CCNY: variants seen among roughly 807,000 people sequenced by gnomAD.
CCNY encodes cyclin-Y.
A neutral mutation model predicts 42.8 loss-of-function variants in CCNY; 19 were observed. The ratio of observed to expected loss-of-function variants is 0.44; its 90% CI spans 0.31 to 0.65. CCNY has a LOEUF of 0.65. Among genes scored for constraint, CCNY ranks in the 30% least tolerant of loss-of-function variants. The probability of loss-of-function intolerance (pLI) is 0.07; values close to 1 mark genes in which losing one functional copy is unlikely to be tolerated. For synonymous variants in CCNY, 165 were observed against 162.7 expected, an observed-to-expected ratio of 1.01 and a Z score of -0.11; for missense variants, 370 against 437.3, an observed-to-expected ratio of 0.85 and a Z score of 1.37.
At chr10:35,471,649 A>G (rs1004370038) in intron 1 of CCNY, among the ~76,000 whole-genome samples, 3 of 152,236 alleles carry the variant, frequency 2.0e-5, no homozygotes, top group African/African-American at 7.2e-5. Context: ...CAGCTGACAC[A>G]TGGACTGAAA....
At chr10:35,261,752 G>A (rs1278338092) in intron 3 of CCNY, among the ~76,000 whole-genome samples, 1 of 152,074 alleles carries the variant, frequency 6.6e-6, no homozygotes, top group Admixed American at 6.6e-5. Flanking sequence ...CAGGCACAGT[G>A]GCTCATGCCT....
intron 7 of CCNY, among the ~76,000 whole-genome samples, chr10:35,541,348 G>A (rs1840996612): frequency 6.6e-6 from 1 of 151,944 alleles, no homozygotes; most frequent in Admixed American, 6.6e-5. Context: ...ACATAATTTA[G>A]TATCTTAGTG....
In CCNY at chr10:35,337,348, G is replaced by T. The variant is rs555689471; in HGVS notation, c.154+141G>T. ...CCGGGGCTTCGCCCGCGCAGCCTAG[G>T]CGCCCGGGGCCCCGCAGCCTCTGGG... On this transcript the variant is annotated intron_variant, in intron 1 of 9. Coordinates refer to ENST00000374704, the MANE Select transcript of CCNY (RefSeq NM_145012.6). The T allele has an allele frequency of 3.5e-6, 3 of 860,630 alleles. No individual in the cohort carries two copies. The Admixed American group carries it at 1.2e-4, about 34-fold the overall frequency. The allele number at this position is 860,630 out of a possible 1,614,324, so 53.3% of individuals were successfully genotyped here.
At chr10:35,317,568 A>C (rs534506305) in intron 3 of CCNY, among the ~76,000 whole-genome samples, 65 of 152,316 alleles carry the variant, frequency 4.3e-4, no homozygotes, top group Non-Finnish European at 6.9e-4. Flanking sequence ...CTGACCTTTG[A>C]ATCTGGAAGT....
intron 5 of CCNY, 70 bp from the exon 6 acceptor site, chr10:35,529,903 G>A (rs1460411746): frequency 3.0e-6 from 4 of 1,319,766 alleles, no homozygotes; most frequent in East Asian, 2.3e-5. Flanking sequence ...GAATTAAAAT[G>A]TATTTTTGTT....
intron 9 of CCNY, 182 bp downstream of exon 9, chr10:35,566,367 C>T (rs1047135657): frequency 1.8e-5 from 12 of 668,306 alleles, no homozygotes; most frequent in African/African-American, 1.1e-4. Context: ...TTCTTTGAGA[C>T]GGAGTCTCGC....
intron 7 of CCNY, among the ~76,000 whole-genome samples, chr10:35,542,886 G>C (rs1199643832): frequency 6.6e-6 from 1 of 152,226 alleles, no homozygotes; most frequent in Non-Finnish European, 1.5e-5. Context: ...CAAATAATAA[G>C]TGGTGGTCAA....
At chr10:35,433,086 T>G (rs1838449068) in intron 1 of CCNY, among the ~76,000 whole-genome samples, 1 of 152,180 alleles carries the variant, frequency 6.6e-6, no homozygotes, top group African/African-American at 2.4e-5. Context: ...GGCTCATACC[T>G]GTAATCCCAG....
intron 1 of CCNY, among the ~76,000 whole-genome samples, chr10:35,411,512 C>CAA (rs59117826): frequency 0.35 from 21,119 of 60,688 alleles, 3,682 homozygotes; most frequent in Non-Finnish European, 0.41. Context: ...AAGACTCTGT[C>CAA]AAAAAAAAAA....
chr10:35,393,983 C>T (rs1430727849), intron 1 of CCNY, among the ~76,000 whole-genome samples: 1 of 152,180 alleles, frequency 6.6e-6, no homozygotes, highest in East Asian at 1.9e-4. Flanking sequence ...AAAAAGAATG[C>T]AGTTTGTCCA....
chr10:35,297,240 G>A (rs560792704), intron 3 of CCNY, among the ~76,000 whole-genome samples: 1 of 152,034 alleles, frequency 6.6e-6, no homozygotes, highest in African/African-American at 2.4e-5. Flanking sequence ...CACATAAACA[G>A]AACTAAAAAC....
intron 1 of CCNY, among the ~76,000 whole-genome samples, chr10:35,385,255 TC>T (rs1375701546): frequency 2.6e-5 from 4 of 152,252 alleles, no homozygotes; most frequent in African/African-American, 9.6e-5. Flanking sequence ...TTATTGTTTA[TC>T]CTTTTTAGCC....
intron 5 of CCNY, among the ~76,000 whole-genome samples, chr10:35,529,319 C>CTA (rs1333806573): frequency 3.3e-5 from 5 of 152,200 alleles, no homozygotes; most frequent in African/African-American, 1.2e-4. Flanking sequence ...CTATCACCCA[C>CTA]AGTATGTTGA....
At chr10:35,558,301 A>C (rs970355419) in intron 8 of CCNY, among the ~76,000 whole-genome samples, 4 of 152,250 alleles carry the variant, frequency 2.6e-5, no homozygotes, top group Admixed American at 1.3e-4. Context: ...GGGAAAGAAG[A>C]AGCCAGAAGG....
chr10:35,290,514 G>T (rs577875987), intron 3 of CCNY, among the ~76,000 whole-genome samples: 1 of 151,914 alleles, frequency 6.6e-6, no homozygotes, highest in South Asian at 2.1e-4. Flanking sequence ...GCTAAATTTC[G>T]TTGATTTATT....
chr10:35,350,475 C>T (rs1035954583), intron 1 of CCNY, among the ~76,000 whole-genome samples: 1 of 151,946 alleles, frequency 6.6e-6, no homozygotes, highest in South Asian at 2.1e-4. Context: ...AGTTCTAATC[C>T]GACTACATTT....
At chr10:35,303,836 GGAAA>G (rs948650993) in intron 3 of CCNY, among the ~76,000 whole-genome samples, 1 of 146,374 alleles carries the variant, frequency 6.8e-6, no homozygotes. Context: ...AAGGAAGGAA[GGAAA>G]GAAAGAAAGG....
At chr10:35,413,006 G>C (rs1212909511) in intron 1 of CCNY, among the ~76,000 whole-genome samples, 2 of 151,952 alleles carry the variant, frequency 1.3e-5, no homozygotes, top group East Asian at 3.9e-4. Flanking sequence ...GCTTGCTGCT[G>C]TATCTCCAGT....
At position 35,473,948 on chromosome 10, in the gene CCNY, G is replaced by A. The variant is rs1035867040; in HGVS notation, c.155-9456G>A. Among the ~76,000 whole-genome samples, 15 of 152,294 alleles carry A rather than the reference G, an allele frequency of 9.8e-5. No homozygotes were observed. In the East Asian group the frequency reaches 2.1e-3, roughly 22 times the overall value. On this transcript the variant is annotated intron_variant, in intron 1 of 9. Coordinates refer to ENST00000374704, the MANE Select transcript of CCNY (RefSeq NM_145012.6). ...AGGTCAGTGGGTGCGCGCACCATGCGCGAGCCGAAGCAGGGCGAGGCATTG... is the reference window on the plus strand; with the variant it reads ...AGGTCAGTGGGTGCGCGCACCATGCACGAGCCGAAGCAGGGCGAGGCATTG...
Sources: allele counts gnomAD v4.1 joint callset (sites outside exome capture counted in the v4.1 genomes callset), GRCh38; gene constraint gnomAD v4.1.1; transcripts MANE v1.5; gene names NCBI Gene and HGNC (gene_info 2026-07-23, HGNC 2026-07-21).